Variants in BTRC observed in about 807,000 individuals in gnomAD.
BTRC encodes beta-transducin repeat containing E3 ubiquitin protein ligase, also known as F-box/WD repeat-containing protein 1A.
In BTRC, 42 loss-of-function variants were observed where a neutral mutation model predicts 85.5. That is an observed-to-expected ratio of 0.49 (90% confidence interval 0.38 to 0.64). BTRC has a LOEUF of 0.64. Among genes scored for constraint, BTRC ranks in the 30% least tolerant of loss-of-function variants. BTRC has a pLI of 0.00. For synonymous variants in BTRC, 255 were observed against 263.3 expected, an observed-to-expected ratio of 0.97 and a Z score of 0.30; for missense variants, 594 against 743.5, an observed-to-expected ratio of 0.80 and a Z score of 2.34.
At chr10:101,409,946 A>G (rs1450917465) in intron 1 of BTRC, among the ~76,000 whole-genome samples, 1 of 152,192 alleles carries the variant, frequency 6.6e-6, no homozygotes, top group East Asian at 1.9e-4. Flanking sequence ...ATATACCAAA[A>G]TTGCTATGGT....
intron 4 of BTRC, among the ~76,000 whole-genome samples, chr10:101,503,851 G>A (rs975549574): frequency 6.6e-6 from 1 of 152,176 alleles, no homozygotes; most frequent in East Asian, 1.9e-4. Context: ...GTTTTACCAA[G>A]TTGTTGAGGC....
At chr10:101,477,514 G>A (rs1017495323) in intron 3 of BTRC, among the ~76,000 whole-genome samples, 1 of 151,728 alleles carries the variant, frequency 6.6e-6, no homozygotes, top group Non-Finnish European at 1.5e-5. Flanking sequence ...GGGCCTCGCT[G>A]TGCTGCCCAG....
chr10:101,411,428 G>A (rs931377770), intron 1 of BTRC, among the ~76,000 whole-genome samples: 4 of 152,154 alleles, frequency 2.6e-5, no homozygotes, highest in African/African-American at 9.7e-5. Context: ...TGAGACACCA[G>A]ATATGCATGT....
chr10:101,354,308 C>G, intron 1 of BTRC, 80 bp downstream of exon 1: 1 of 1,475,792 alleles, frequency 6.8e-7, no homozygotes, highest in Non-Finnish European at 9.2e-7. Flanking sequence ...CCGCCCACTG[C>G]GGGACCGGGC....
intron 1 of BTRC, among the ~76,000 whole-genome samples, chr10:101,415,486 TTTATGTTATG>T (rs1191532968): frequency 0.043 from 742 of 17,082 alleles, 48 homozygotes; most frequent in African/African-American, 0.12. Flanking sequence ...TTTATTTTAT[TTTATGTTATG>T]TTATGTTATG....
chr10:101,485,086 C>T (rs957846355), intron 4 of BTRC, among the ~76,000 whole-genome samples: 1 of 152,150 alleles, frequency 6.6e-6, no homozygotes, highest in Non-Finnish European at 1.5e-5. Context: ...TAATCAGCTT[C>T]AGGAACCCTA....
At chr10:101,421,234 TA>T in intron 1 of BTRC, among the ~76,000 whole-genome samples, 1 of 152,248 alleles carries the variant, frequency 6.6e-6, no homozygotes, top group Non-Finnish European at 1.5e-5. Flanking sequence ...TTAATGAATA[TA>T]ATAACCTCTT....
intron 1 of BTRC, among the ~76,000 whole-genome samples, chr10:101,421,261 A>G (rs1224632221): frequency 6.6e-6 from 1 of 151,878 alleles, no homozygotes; most frequent in Non-Finnish European, 1.5e-5. Flanking sequence ...CGATTTCTTT[A>G]TTTAGTTTGT....
At chr10:101,527,702 T>C (rs1400544199) in intron 6 of BTRC, among the ~76,000 whole-genome samples, 1 of 151,852 alleles carries the variant, frequency 6.6e-6, no homozygotes, top group Non-Finnish European at 1.5e-5. Context: ...TGCAGTGAGC[T>C]GTGGTCATGC....
intron 1 of BTRC, among the ~76,000 whole-genome samples, chr10:101,373,485 T>C (rs944204324): frequency 2.0e-5 from 3 of 152,118 alleles, no homozygotes; most frequent in Non-Finnish European, 4.4e-5. Flanking sequence ...ATAGCTGGCA[T>C]CAGTCATGTT....
chr10:101,437,703 A>G (rs1301729345), intron 2 of BTRC, among the ~76,000 whole-genome samples: 2 of 152,174 alleles, frequency 1.3e-5, no homozygotes. Context: ...TTTTGAATTG[A>G]ACAAAGTTTG....
At chr10:101,411,027 A>T (rs1943763687) in intron 1 of BTRC, among the ~76,000 whole-genome samples, 1 of 135,676 alleles carries the variant, frequency 7.4e-6, no homozygotes, top group African/African-American at 2.8e-5. Context: ...AGACAGTGTC[A>T]CTCTGTCGCC....
At chr10:101,439,653 T>G (rs1489283032) in intron 2 of BTRC, among the ~76,000 whole-genome samples, 1 of 152,218 alleles carries the variant, frequency 6.6e-6, no homozygotes, top group Non-Finnish European at 1.5e-5. Context: ...TTGCCTTAAA[T>G]GCATGAAAAG....
chr10:101,428,014 T>C (rs547163073), intron 1 of BTRC, among the ~76,000 whole-genome samples: 10 of 152,292 alleles, frequency 6.6e-5, no homozygotes, highest in African/African-American at 2.4e-4. Context: ...TTTTACCCTA[T>C]TTTCTCCATT....
chr10:101,493,977 G>A (rs1009245560), intron 4 of BTRC, among the ~76,000 whole-genome samples: 5 of 152,114 alleles, frequency 3.3e-5, no homozygotes, highest in Non-Finnish European at 5.9e-5. Context: ...TAGCCCTGTC[G>A]GTCTTGTTCT....
At chr10:101,370,436 C>T (rs1025320176) in intron 1 of BTRC, among the ~76,000 whole-genome samples, 1 of 152,100 alleles carries the variant, frequency 6.6e-6, no homozygotes, top group African/African-American at 2.4e-5. Flanking sequence ...CCTGATGGTA[C>T]TCTGTCATCC....
At chr10:101,516,571 T>C (rs2062026857) in intron 4 of BTRC, among the ~76,000 whole-genome samples, 1 of 152,212 alleles carries the variant, frequency 6.6e-6, no homozygotes, top group Non-Finnish European at 1.5e-5. Flanking sequence ...CCCAGAACAG[T>C]TGATAAATAC....
rs1265691229 is a variant in BTRC, at chr10:101,475,953, A to ATATATATATATATATATATATATATT, written c.235-3414_235-3413insATATATATATATATATATATATATTT. Reference sequence around the variant, plus strand: ...TATATATATATATATATATATATATATTCAGTAATTCCTAAGGGGAAAATA... The same window carrying ATATATATATATATATATATATATATT: ...TATATATATATATATATATATATATATATATATATATATATATATATATATTTTCAGTAATTCCTAAGGGGAAAATA... On this transcript the variant is annotated intron_variant, in intron 3 of 14. Transcript: ENST00000370187. Among the ~76,000 whole-genome samples the ATATATATATATATATATATATATATT allele has an allele frequency of 6.7e-4, 89 of 133,772 alleles. 6 individuals carry two copies. The highest frequency in any genetic ancestry group is 1.6e-3 in the African/African-American group (56 of 33,958). 87.8% of individuals were successfully genotyped at this position (133,772 alleles called of 152,430 possible). A position where few individuals can be genotyped will look rare whatever the true frequency, so the allele number is the denominator to read the frequency against.
chr10:101,450,111 C>A (rs1335038672), intron 2 of BTRC, among the ~76,000 whole-genome samples: 1 of 149,692 alleles, frequency 6.7e-6, no homozygotes, highest in East Asian at 2.0e-4. Context: ...TGGACTATTA[C>A]TTCTGATGTG....
Sources: gnomAD v4.1 joint callset for allele counts (sites outside exome capture counted in the v4.1 genomes callset) on GRCh38, gnomAD v4.1.1 for gene constraint, MANE v1.5 for transcripts, NCBI Gene and HGNC (gene_info 2026-07-23, HGNC 2026-07-21) for gene names.